The following CSMD1 variants were observed in gnomAD, a reference collection of about 807,000 sequenced individuals.
CSMD1 encodes the protein CUB and sushi domain-containing protein 1.
Under a neutral mutation model 417.5 loss-of-function variants are expected in CSMD1, and 213 were observed. The ratio of observed to expected loss-of-function variants is 0.51; its 90% confidence interval spans 0.46 to 0.57. CSMD1 has a LOEUF of 0.57. Ranked by LOEUF, CSMD1 falls within the 20% of genes least tolerant of loss-of-function variation. CSMD1 has a pLI of 0.00. For synonymous variants in CSMD1, 2,862 were observed against 1,736.8 expected, an observed-to-expected ratio of 1.65 and a Z score of -16.11; for missense variants, 6,923 against 4,529.7, an observed-to-expected ratio of 1.53 and a Z score of -15.17.
At chr8:3,292,766 T>C (rs1208423078) in intron 25 of CSMD1, among the ~76,000 whole-genome samples, 1 of 152,220 alleles carries the variant, frequency 6.6e-6, no homozygotes, top group African/African-American at 2.4e-5. Context: ...CTGATGGGTC[T>C]TGACTTTTTA....
rs6986936 is a variant in CSMD1 at position 4,694,091 on chromosome 8, T to C, written c.86-56533A>G. 8.6e-3 allele frequency among the ~76,000 whole-genome samples: 1,307 copies of C among 152,234 alleles called. 24 individuals are homozygous for C. The highest frequency in any genetic ancestry group is 0.03 in the African/African-American group (1,258 of 41,552). ...CCATCCTATTCCAAAAAAAGACAGC[T>C]TCTAAGATAAAAATTGCTACGTACC... On this transcript the variant is annotated intron_variant, in intron 1 of 69. Transcript: ENST00000635120.
chr8:3,170,213 T>C (rs186651589), intron 37 of CSMD1, among the ~76,000 whole-genome samples: 245 of 152,326 alleles, frequency 1.6e-3, no homozygotes, highest in African/African-American at 5.4e-3. Context: ...TTTATTGTAT[T>C]TTATTTTTTT....
chr8:4,042,181 T>A (rs1324474217), intron 3 of CSMD1, among the ~76,000 whole-genome samples: 1 of 152,068 alleles, frequency 6.6e-6, no homozygotes, highest in Non-Finnish European at 1.5e-5. Flanking sequence ...TACAAAAAGT[T>A]CAGTAAGTGT....
At chr8:3,492,830 A>G (rs980682319) in intron 11 of CSMD1, among the ~76,000 whole-genome samples, 4 of 151,426 alleles carry the variant, frequency 2.6e-5, no homozygotes, top group African/African-American at 9.7e-5. Flanking sequence ...CACCCCCAAC[A>G]CTTTTCCCCC....
At chr8:4,162,780 G>A (rs1453167211) in intron 3 of CSMD1, among the ~76,000 whole-genome samples, 2 of 152,014 alleles carry the variant, frequency 1.3e-5, no homozygotes, top group South Asian at 2.1e-4. Flanking sequence ...TTTACAATAG[G>A]GTTCACTCTT....
rs542280383 is a variant in CSMD1, at chr8:3,334,205, A to C, written c.3631+9089T>G. Among the ~76,000 whole-genome samples, 42 of 152,328 alleles carry C rather than the reference A, an allele frequency of 2.8e-4. 1 individual carries two copies. The highest frequency in any genetic ancestry group is 9.1e-4 in the African/African-American group (38 of 41,578). ...CAGTCAATCCTATAAAGAAAGCATT[A>C]TCTCTCTTGATCAACGCATAATTTC... On this transcript the variant is annotated intron_variant, in intron 23 of 69. Coordinates refer to ENST00000635120, the MANE Select transcript of CSMD1 (RefSeq NM_033225.6).
At chr8:3,744,452 G>C (rs1386706030) in intron 6 of CSMD1, among the ~76,000 whole-genome samples, 1 of 152,072 alleles carries the variant, frequency 6.6e-6, no homozygotes, top group Admixed American at 6.6e-5. Flanking sequence ...AAAAGTCTAG[G>C]AAACTAGATT....
intron 12 of CSMD1, among the ~76,000 whole-genome samples, chr8:3,454,893 A>T (rs1434799488): frequency 1.8e-4 from 27 of 152,310 alleles, no homozygotes; most frequent in Admixed American, 7.8e-4. Context: ...CCTGGATAAC[A>T]TCCTGCAGAG....
chr8:3,718,701 T>C (rs1801976687), intron 6 of CSMD1, among the ~76,000 whole-genome samples: 1 of 152,132 alleles, frequency 6.6e-6, no homozygotes, highest in Non-Finnish European at 1.5e-5. Context: ...TTTACTAATG[T>C]AAAGGGTAAT....
intron 3 of CSMD1, among the ~76,000 whole-genome samples, chr8:4,340,360 T>C (rs757432763): frequency 1.3e-5 from 2 of 152,020 alleles, no homozygotes; most frequent in African/African-American, 2.4e-5. Flanking sequence ...TGCTACACCC[T>C]AGTTAAAAAT....
intron 1 of CSMD1, among the ~76,000 whole-genome samples, chr8:4,892,173 G>C (rs1462771455): frequency 6.6e-6 from 1 of 152,012 alleles, no homozygotes; most frequent in Non-Finnish European, 1.5e-5. Flanking sequence ...GTTTCATTAA[G>C]GCATAATTGA....
At chr8:4,602,525 T>C (rs923043576) in intron 2 of CSMD1, among the ~76,000 whole-genome samples, 1 of 152,136 alleles carries the variant, frequency 6.6e-6, no homozygotes, top group Non-Finnish European at 1.5e-5. Flanking sequence ...CGTAAATATA[T>C]TAGGAACATA....
chr8:3,291,320 C>T (rs1299459991), intron 25 of CSMD1, among the ~76,000 whole-genome samples: 8 of 150,850 alleles, frequency 5.3e-5, no homozygotes, highest in Non-Finnish European at 1.2e-4. Flanking sequence ...GCTTTGCTTT[C>T]AGGGTGATGC....
chr8:3,134,413 T>C (rs940644804), intron 41 of CSMD1, among the ~76,000 whole-genome samples: 1 of 152,074 alleles, frequency 6.6e-6, no homozygotes. Context: ...TGCAAGTCCT[T>C]GTGGAGAACG....
intron 1 of CSMD1, among the ~76,000 whole-genome samples, chr8:4,760,562 G>T (rs1156991438): frequency 6.6e-6 from 1 of 151,806 alleles, no homozygotes; most frequent in Non-Finnish European, 1.5e-5. Context: ...TGGCAAGCAG[G>T]AATATTTTTA....
At chr8:3,876,237 G>C (rs887242224) in intron 5 of CSMD1, among the ~76,000 whole-genome samples, 1 of 152,184 alleles carries the variant, frequency 6.6e-6, no homozygotes, top group Non-Finnish European at 1.5e-5. Flanking sequence ...CGCTAAGCCA[G>C]ACGTTTAAAA....
intron 5 of CSMD1, among the ~76,000 whole-genome samples, chr8:3,983,380 T>C (rs1814050529): frequency 6.6e-6 from 1 of 152,088 alleles, no homozygotes; most frequent in Admixed American, 6.5e-5. Flanking sequence ...TCCCTCTTTC[T>C]TGCCCTCCCA....
chr8:4,529,983 C>T (rs1370007212), intron 2 of CSMD1, among the ~76,000 whole-genome samples: 3 of 151,746 alleles, frequency 2.0e-5, no homozygotes, highest in African/African-American at 4.8e-5. Context: ...GGCGAGATCC[C>T]GGCTCACTGC....
chr8:3,371,378 T>C (rs928486111), intron 18 of CSMD1, among the ~76,000 whole-genome samples: 1 of 151,900 alleles, frequency 6.6e-6, no homozygotes, highest in African/African-American at 2.4e-5. Flanking sequence ...TGCTGAAGAA[T>C]GAAATAAGTG....
Sources: gnomAD v4.1 joint callset for allele counts (sites outside exome capture counted in the v4.1 genomes callset) on GRCh38, gnomAD v4.1.1 for gene constraint, MANE v1.5 for transcripts, NCBI Gene and HGNC (gene_info 2026-07-23, HGNC 2026-07-21) for gene names.